PCDHGB5: variants seen among roughly 807,000 people sequenced by gnomAD.
PCDHGB5 encodes the protein protocadherin gamma-B5.
In PCDHGB5, 48 loss-of-function variants were observed where a neutral mutation model predicts 62.9. The ratio of observed to expected loss-of-function variants is 0.76; its 90% CI spans 0.61 to 0.97. The LOEUF (loss-of-function observed/expected upper bound fraction) is 0.97, where lower values mean the gene tolerates loss of function less well. Among genes scored for constraint, PCDHGB5 ranks in the 50% least tolerant of loss-of-function variants. PCDHGB5 has a pLI of 0.00. For synonymous variants in PCDHGB5, 474 were observed against 511.2 expected, an observed-to-expected ratio of 0.93 and a Z score of 0.98; for missense variants, 1,118 against 1,198.6, an observed-to-expected ratio of 0.93 and a Z score of 0.99.
At chr5:141,403,214 G>A in intron 1 of PCDHGB5, 5 of 1,613,990 alleles carry the variant, frequency 3.1e-6, no homozygotes, top group Non-Finnish European at 4.2e-6. Context: ...GGTCACCGCG[G>A]GTAGGATAGA....
rs2150766485 is a variant in PCDHGB5, at chr5:141,398,916, A to G, written c.789A>G (p.Gln263=). ...ENVPPGTTVL[Q]VSATDQDEGI... The stretch of plus-strand genomic sequence containing the variant: ...TGCCACCAGGCACCACTGTGTTGCA[A>G]GTGTCAGCCACTGACCAAGACGAGG... Residue 263 remains glutamine (Q), a synonymous_variant, in exon 1 of 4, where the codon CAA becomes CAG. Coordinates refer to ENST00000617380, the MANE Select transcript of PCDHGB5 (RefSeq NM_018925.3). The G allele has an allele frequency of 6.2e-7, 1 of 1,614,022 alleles. No homozygotes were observed. Among genetic ancestry groups the G allele is most frequent in the Non-Finnish European group, 8.5e-7 (1 of 1,179,902 alleles).
At chr5:141,454,796 ATTTTTTTTTTTT>A (rs61612330) in intron 1 of PCDHGB5, among the ~76,000 whole-genome samples, 76 of 77,462 alleles carry the variant, frequency 9.8e-4, no homozygotes, top group African/African-American at 3.9e-3. Flanking sequence ...CATGGTTCTA[ATTTTTTTTTTTT>A]TTTTTTTTTT....
chr5:141,490,793 C>T lies in PCDHGB5; in HGVS notation c.2398-4014C>T, dbSNP rs2233608. 6 of 1,613,812 alleles carry T rather than the reference C, an allele frequency of 3.7e-6. No homozygotes were observed. The East Asian group carries it at 1.3e-4, about 36-fold the overall frequency. On this transcript the variant is annotated intron_variant, in intron 1 of 3. Transcript: ENST00000617380. This position sits in a 1 kb window ranked among gnomAD's most constrained non-coding sequence, Gnocchi z 5.4. Reference sequence around the variant, plus strand: ...AACCCAGAGGATGGACGGATCTTTGCCCAGCGTACCTTTGACTATGAATTG... The same window carrying T: ...AACCCAGAGGATGGACGGATCTTTGTCCAGCGTACCTTTGACTATGAATTG...
chr5:141,450,815 ATAT>A (rs1420984335), intron 1 of PCDHGB5, among the ~76,000 whole-genome samples: 6 of 126,742 alleles, frequency 4.7e-5, no homozygotes, highest in South Asian at 2.4e-4. Flanking sequence ...TATTTATTTA[ATAT>A]TATTATTATT....
At position 141,398,207 on chromosome 5, in the gene PCDHGB5, C is replaced by T. The variant is rs1368284039; in HGVS notation, c.80C>T (p.Pro27Leu). 3 of 1,488,636 alleles carry T rather than the reference C, an allele frequency of 2.0e-6. No individual in the cohort carries two copies. Among genetic ancestry groups the T allele is most frequent in the South Asian group, 2.6e-5 (2 of 77,226 alleles). The allele number at this position is 1,488,636 out of a possible 1,614,324, so 92.2% of individuals were successfully genotyped here. The change falls in exon 1 of 4, where the codon CCG becomes CTG. Residue 27 changes from proline (P) to leucine (L), a missense_variant. By Grantham distance (98) the Pro-to-Leu change is moderately conservative. Coordinates refer to ENST00000617380, the MANE Select transcript of PCDHGB5 (RefSeq NM_018925.3). ...LFLFLLSLFC[P>L]ALCEQIRYRI... The stretch of plus-strand genomic sequence containing the variant: ...CTCTTCCTGCTGTCTTTGTTCTGCC[C>T]GGCGCTCTGTGAGCAGATCCGCTAC...
chr5:141,433,042 G>T (rs752612411), intron 1 of PCDHGB5: 10 of 1,614,024 alleles, frequency 6.2e-6, no homozygotes, highest in East Asian at 4.5e-5. Flanking sequence ...CCCTCACCAC[G>T]GACTCGCGGA....
At chr5:141,421,030 G>C (rs989158485) in intron 1 of PCDHGB5, 2 of 532,352 alleles carry the variant, frequency 3.8e-6, no homozygotes, top group African/African-American at 3.9e-5. Context: ...GCGCCATTGA[G>C]TCCCTCCCTC....
intron 2 of PCDHGB5, among the ~76,000 whole-genome samples, chr5:141,503,977 CCTT>C (rs1012021012): frequency 1.3e-5 from 2 of 152,250 alleles, no homozygotes; most frequent in Admixed American, 1.3e-4. Flanking sequence ...GGTGCCAAAC[CCTT>C]CTTCTTACCT....
chr5:141,485,964 T>A lies in PCDHGB5; in HGVS notation c.2398-8843T>A. 1 of 1,614,162 alleles carries A rather than the reference T, an allele frequency of 6.2e-7. No homozygotes were observed. The highest frequency in any genetic ancestry group is 8.5e-7 in the Non-Finnish European group (1 of 1,180,000). On this transcript the variant is annotated intron_variant, in intron 1 of 3. Transcript: ENST00000617380. The surrounding 1 kb of genome is among the most constrained non-coding windows in gnomAD (Gnocchi z 5.7). ...CCAGCGGGCATGGTGCTCATCCAGC[T>A]CAATGCCTCAGACCCGGACCTGGGT...
At chr5:141,480,763 A>G (rs541754723) in intron 1 of PCDHGB5, among the ~76,000 whole-genome samples, 1 of 152,308 alleles carries the variant, frequency 6.6e-6, no homozygotes, top group East Asian at 1.9e-4. Flanking sequence ...GAAGGTCCCC[A>G]CTTGATCCTA....
At chr5:141,404,807 G>A (rs1226563047) in intron 1 of PCDHGB5, 1 of 1,613,924 alleles carries the variant, frequency 6.2e-7, no homozygotes, top group Non-Finnish European at 8.5e-7. Flanking sequence ...GCTCTTCTCG[G>A]TGGGGCTGCA....
At chr5:141,492,447 T>G (rs920078908) in intron 1 of PCDHGB5, among the ~76,000 whole-genome samples, 13 of 152,300 alleles carry the variant, frequency 8.5e-5, no homozygotes, top group Middle Eastern at 3.4e-3. Context: ...CGTAGCTGAT[T>G]GTGCGCGCCT....
intron 1 of PCDHGB5, chr5:141,422,754 C>T: frequency 1.2e-6 from 2 of 1,612,450 alleles, no homozygotes; most frequent in Non-Finnish European, 1.7e-6. Flanking sequence ...TCTCTATTAA[C>T]TCCAACACTG....
intron 1 of PCDHGB5, chr5:141,478,453 C>T: frequency 6.2e-7 from 1 of 1,613,594 alleles, no homozygotes; most frequent in Non-Finnish European, 8.5e-7. Context: ...CTGGTGCAGC[C>T]AGTCCACTGG....
At chr5:141,425,719 A>G (rs2096890303) in intron 1 of PCDHGB5, among the ~76,000 whole-genome samples, 1 of 152,200 alleles carries the variant, frequency 6.6e-6, no homozygotes. Context: ...TTCCCATACC[A>G]CTTGATGGGG....
At chr5:141,419,753 T>C (rs764151937) in intron 1 of PCDHGB5, 10 of 1,613,856 alleles carry the variant, frequency 6.2e-6, no homozygotes, top group South Asian at 2.2e-5. Context: ...GGTGCGTGCT[T>C]TGGGTGACAA....
At chr5:141,433,404 TATTA>T (rs142533293) in intron 1 of PCDHGB5, among the ~76,000 whole-genome samples, 252 of 146,310 alleles carry the variant, frequency 1.7e-3, no homozygotes, top group African/African-American at 6.2e-3. Context: ...TCTATCTATC[TATTA>T]CTTTCTTGTA....
intron 1 of PCDHGB5, among the ~76,000 whole-genome samples, chr5:141,466,800 C>T (rs189985735): frequency 6.6e-6 from 1 of 152,240 alleles, no homozygotes; most frequent in East Asian, 1.9e-4. Context: ...AAACTAGATC[C>T]TATTCAGACA....
intron 1 of PCDHGB5, chr5:141,404,621 G>T: frequency 6.2e-7 from 1 of 1,614,174 alleles, no homozygotes; most frequent in South Asian, 1.1e-5. Context: ...GGACCAGAAT[G>T]ACAATGCCCC....
Sources: allele counts gnomAD v4.1 joint callset (sites outside exome capture counted in the v4.1 genomes callset), GRCh38; gene constraint gnomAD v4.1.1; non-coding constraint Gnocchi (gnomAD v3.1); transcripts MANE v1.5; gene names NCBI Gene and HGNC (gene_info 2026-07-23, HGNC 2026-07-21).